The following HTR3B variants were observed in gnomAD, a reference collection of about 807,000 sequenced individuals.
The protein encoded by HTR3B is 5-hydroxytryptamine receptor 3B.
A neutral mutation model predicts 42.8 loss-of-function variants in HTR3B; 44 were observed. That is an observed-to-expected ratio of 1.03 (90% CI 0.81 to 1.32). The LOEUF (loss-of-function observed/expected upper bound fraction) is 1.32, where lower values mean the gene tolerates loss of function less well. Among genes scored for constraint, HTR3B ranks in the 40% most tolerant of loss-of-function variants. HTR3B has a pLI of 0.00. For synonymous variants in HTR3B, 203 were observed against 209.0 expected (o/e 0.97, Z 0.25); for missense variants, 527 against 536.5 (o/e 0.98, Z 0.17).
intron 2 of HTR3B, among the ~76,000 whole-genome samples, chr11:113,911,165 G>T (rs1036829659): frequency 3.9e-5 from 6 of 152,006 alleles, no homozygotes; most frequent in African/African-American, 1.4e-4. Context: ...TACATATGTG[G>T]AAATACACAG....
chr11:113,940,750 G>A (rs985652368), intron 6 of HTR3B, among the ~76,000 whole-genome samples: 2 of 152,182 alleles, frequency 1.3e-5, no homozygotes, highest in African/African-American at 4.8e-5. Flanking sequence ...GCAAGGTGAT[G>A]TTTCATCTCC....
At chr11:113,910,598 G>A (rs935459490) in intron 2 of HTR3B, among the ~76,000 whole-genome samples, 2 of 151,186 alleles carry the variant, frequency 1.3e-5, no homozygotes, top group Admixed American at 6.6e-5. Flanking sequence ...GCGCCACCAC[G>A]CCCGGCTAAT....
chr11:113,899,100 G>C, the HTR3B span, among the ~76,000 whole-genome samples: 3 of 152,266 alleles, frequency 2.0e-5, no homozygotes, highest in Admixed American at 2.0e-4. Flanking sequence ...CTGACTTGAA[G>C]GCCTGGGACC....
chr11:113,908,125 GAA>G (rs1949747502), intron 1 of HTR3B, among the ~76,000 whole-genome samples: 1 of 152,200 alleles, frequency 6.6e-6, no homozygotes, highest in African/African-American at 2.4e-5. Flanking sequence ...CGACGGTAAT[GAA>G]AGTGTATATT....
upstream of HTR3B, among the ~76,000 whole-genome samples, chr11:113,904,054 A>T (rs2137478635): frequency 6.6e-6 from 1 of 152,296 alleles, no homozygotes; most frequent in Middle Eastern, 3.4e-3. Flanking sequence ...AAAAGCAGGC[A>T]GATGTTGGAA....
rs112268882 is a variant in HTR3B at position 113,942,219 on chromosome 11, T to G, written c.697-763T>G. On this transcript the variant is annotated intron_variant, in intron 6 of 8. Transcript: ENST00000260191. ...ACCCCATCTCTAGCAGAGCTTGCAG[T>G]GAGCCGAGGTCGCACCACTGCACTC... Among the ~76,000 whole-genome samples, 971 of 151,362 alleles carry G rather than the reference T, an allele frequency of 6.4e-3. 5 individuals are homozygous for G. Among genetic ancestry groups the G allele is most frequent in the African/African-American group, 0.023 (920 of 40,748 alleles).
intron 1 of HTR3B, 70 bp from the exon 2 acceptor site, chr11:113,909,225 C>G: frequency 4.9e-6 from 6 of 1,213,976 alleles, no homozygotes; most frequent in Non-Finnish European, 4.9e-6. Context: ...GAGTCCTGAA[C>G]AGTCTGAAAC....
At chr11:113,915,048 C>T (rs2137495535) in intron 2 of HTR3B, among the ~76,000 whole-genome samples, 1 of 152,122 alleles carries the variant, frequency 6.6e-6, no homozygotes, top group South Asian at 2.1e-4. Flanking sequence ...CTATTATTTT[C>T]ATGCCCATAA....
chr11:113,926,873 G>A (rs1949981297), intron 2 of HTR3B, among the ~76,000 whole-genome samples: 1 of 152,076 alleles, frequency 6.6e-6, no homozygotes, highest in African/African-American at 2.4e-5. Context: ...AATCCTGCCA[G>A]CAATGTTTGA....
At chr11:113,923,624 A>T (rs1949937396) in intron 2 of HTR3B, among the ~76,000 whole-genome samples, 1 of 152,094 alleles carries the variant, frequency 6.6e-6, no homozygotes, top group South Asian at 2.1e-4. Context: ...ATCTAAATAG[A>T]CTCCCTCTGT....
At chr11:113,926,468 T>TTTCTTTTCC in intron 2 of HTR3B, among the ~76,000 whole-genome samples, 1 of 80,334 alleles carries the variant, frequency 1.2e-5, no homozygotes, top group Admixed American at 1.6e-4. Flanking sequence ...CTTTCCTTTC[T>TTTCTTTTCC]TTTCCTTTCC....
chr11:113,909,102 T>C lies in HTR3B; in HGVS notation c.53-193T>C, dbSNP rs56272242. ...TTGTTTTTACAATGAGGTTTCTCCA[T>C]TGGGCACTTAGGCCATCAGCTTACT... is the stretch of plus-strand genomic sequence containing the variant. On this transcript the variant is annotated intron_variant, in intron 1 of 8. Transcript: ENST00000260191. 2,624 of 603,646 alleles carry C rather than the reference T, an allele frequency of 4.3e-3. 44 individuals carry two copies. The African/African-American group carries it at 0.044, about 10-fold the overall frequency. 37.4% of individuals were successfully genotyped at this position (603,646 alleles called of 1,614,324 possible). A position where few individuals can be genotyped will look rare whatever the true frequency, so the allele number is the denominator to read the frequency against.
rs534543944 is a variant in HTR3B at position 113,931,161 on chromosome 11, G to C, written c.214-223G>C. On this transcript the variant is annotated intron_variant, in intron 2 of 8. Coordinates refer to ENST00000260191, the MANE Select transcript of HTR3B (RefSeq NM_006028.5). ...ATTCAAGATGTCAAGGGCAGGCAAA[G>C]TGCCGTTTTGTCATAGATAATATAG... Among the ~76,000 whole-genome samples, 3 of 152,272 alleles carry C rather than the reference G, an allele frequency of 2.0e-5. No individual in the cohort carries two copies. In the East Asian group the frequency reaches 5.8e-4, roughly 29 times the overall value.
chr11:113,920,995 T>C (rs1949906273), intron 2 of HTR3B, among the ~76,000 whole-genome samples: 1 of 150,886 alleles, frequency 6.6e-6, no homozygotes, highest in African/African-American at 2.4e-5. Context: ...GTATTTTTAG[T>C]AGAGATGGGG....
At chr11:113,911,037 A>G (rs1011817179) in intron 2 of HTR3B, among the ~76,000 whole-genome samples, 9 of 150,004 alleles carry the variant, frequency 6.0e-5, no homozygotes, top group African/African-American at 2.2e-4. Context: ...CGTGTTAGCC[A>G]GGATGGTCTC....
intron 6 of HTR3B, among the ~76,000 whole-genome samples, chr11:113,941,482 G>A (rs778546481): frequency 1.9e-4 from 29 of 152,186 alleles, no homozygotes; most frequent in Non-Finnish European, 4.1e-4. Context: ...GTAATTTTAT[G>A]AGACCCAAAT....
chr11:113,919,949 C>A (rs1310321109), intron 2 of HTR3B, among the ~76,000 whole-genome samples: 1 of 152,064 alleles, frequency 6.6e-6, no homozygotes, highest in East Asian at 1.9e-4. Flanking sequence ...CTTAGATAAA[C>A]CCCTAATCAA....
intron 6 of HTR3B, among the ~76,000 whole-genome samples, chr11:113,939,190 T>C (rs1950114422): frequency 6.6e-6 from 1 of 152,180 alleles, no homozygotes; most frequent in Non-Finnish European, 1.5e-5. Context: ...TTTGCGATTC[T>C]ATAAGCCAAA....
chr11:113,943,313 G>A, intron 7 of HTR3B, 121 bp downstream of exon 7: 1 of 783,584 alleles, frequency 1.3e-6, no homozygotes, highest in Non-Finnish European at 2.2e-6. Context: ...AAGGTGGGAG[G>A]ACCACTTCAG....
Sources: gnomAD v4.1 joint callset for allele counts (sites outside exome capture counted in the v4.1 genomes callset) on GRCh38, gnomAD v4.1.1 for gene constraint, MANE v1.5 for transcripts, NCBI Gene and HGNC (gene_info 2026-07-23, HGNC 2026-07-21) for gene names.